SIPA1L3: variants seen among roughly 807,000 people sequenced by gnomAD.
SIPA1L3 encodes signal-induced proliferation-associated 1-like protein 3.
SIPA1L3 carries 59 observed loss-of-function variants against 150.1 expected under a neutral mutation model. That is an observed-to-expected ratio of 0.39 (90% CI 0.32 to 0.49). The LOEUF (loss-of-function observed/expected upper bound fraction) is 0.49, where lower values mean the gene tolerates loss of function less well. Ranked by LOEUF, SIPA1L3 falls within the 20% of genes least tolerant of loss-of-function variation. The pLI, the probability that SIPA1L3 is intolerant of heterozygous loss-of-function variation, is 0.86. For synonymous variants in SIPA1L3, 1,070 were observed against 1,077.6 expected, an observed-to-expected ratio of 0.99 and a Z score of 0.14; for missense variants, 2,211 against 2,489.5, an observed-to-expected ratio of 0.89 and a Z score of 2.38.
chr19:38,119,267 C>A, intron 8 of SIPA1L3, 39 bp from the exon 9 acceptor site: 1 of 1,544,042 alleles, frequency 6.5e-7, no homozygotes, highest in Non-Finnish European at 8.9e-7. Flanking sequence ...TGTCTTAGTG[C>A]CTTTCTTCCC....
intron 1 of SIPA1L3, among the ~76,000 whole-genome samples, chr19:37,925,048 CAAA>C (rs753601542): frequency 8.3e-5 from 7 of 84,212 alleles, no homozygotes; most frequent in Non-Finnish European, 7.6e-5. Flanking sequence ...GACTCTGTCT[CAAA>C]AAAAAAAAAA....
intron 15 of SIPA1L3, among the ~76,000 whole-genome samples, chr19:38,166,464 A>G (rs954029663): frequency 1.3e-5 from 2 of 151,980 alleles, no homozygotes; most frequent in Non-Finnish European, 2.9e-5. Context: ...TCAAAAAAAA[A>G]AAAAAGAAAA....
At chr19:38,159,411 C>G (rs1339017029) in intron 13 of SIPA1L3, among the ~76,000 whole-genome samples, 1 of 152,206 alleles carries the variant, frequency 6.6e-6, no homozygotes, top group Admixed American at 6.5e-5. Flanking sequence ...GCAGTGACCT[C>G]CTCCCCCTCA....
At chr19:37,984,491 T>C (rs1967294622) in intron 1 of SIPA1L3, among the ~76,000 whole-genome samples, 1 of 151,952 alleles carries the variant, frequency 6.6e-6, no homozygotes. Flanking sequence ...CCCAGATAGA[T>C]TATTGTGAGG....
intron 2 of SIPA1L3, among the ~76,000 whole-genome samples, chr19:38,053,738 T>C (rs919440345): frequency 2.6e-5 from 4 of 151,812 alleles, no homozygotes; most frequent in African/African-American, 9.7e-5. Flanking sequence ...TATTATTTTT[T>C]ATTTTTTGGT....
chr19:37,993,603 C>T (rs1419294144), intron 1 of SIPA1L3, among the ~76,000 whole-genome samples: 8 of 152,172 alleles, frequency 5.3e-5, no homozygotes, highest in African/African-American at 1.9e-4. Flanking sequence ...ATCGCAGATA[C>T]GTTCAGGGGA....
At chr19:38,169,249 C>T (rs1264270224) in intron 15 of SIPA1L3, among the ~76,000 whole-genome samples, 1 of 152,026 alleles carries the variant, frequency 6.6e-6, no homozygotes, top group Non-Finnish European at 1.5e-5. Flanking sequence ...ATTAGCCAGG[C>T]GTGGTGGTGC....
In SIPA1L3 at chr19:38,081,577, T is replaced by C. The variant is rs770856787; in HGVS notation, c.12T>C (p.Tyr4=). Residue 4 remains tyrosine (Y), a synonymous_variant, in exon 3 of 22, where the codon TAT becomes TAC. Transcript: ENST00000222345. ...AGTGCCCGTGGACTATGACCACCTA[T>C]CGGGCCATCCCCAGCGATGGTGTGG... MTT[Y]RAIPSDGVDL... The C allele has an allele frequency of 1.9e-6, 3 of 1,586,864 alleles. No homozygotes were observed. Among genetic ancestry groups the C allele is most frequent in the Non-Finnish European group, 2.6e-6 (3 of 1,162,914 alleles).
intron 1 of SIPA1L3, among the ~76,000 whole-genome samples, chr19:38,008,038 G>A (rs1042881511): frequency 6.6e-6 from 1 of 152,084 alleles, no homozygotes; most frequent in Non-Finnish European, 1.5e-5. Context: ...TGCTTCATGA[G>A]TGCATGTTGA....
At chr19:38,056,918 G>C (rs2145771944) in intron 2 of SIPA1L3, among the ~76,000 whole-genome samples, 1 of 152,116 alleles carries the variant, frequency 6.6e-6, no homozygotes, top group Middle Eastern at 3.4e-3. Context: ...AATTAGTCAG[G>C]CATGGTGGTA....
At position 38,130,192 on chromosome 19, in the gene SIPA1L3, TG is replaced by T. The variant is rs201045730; in HGVS notation, c.2869-305del. ...ACCCAACCACAAGGGAGCCAAGAAG[TG>T]CAATCCCACTGACCCCAGGAAGGAG... On this transcript the variant is annotated intron_variant, in intron 9 of 21. Transcript: ENST00000222345. Among the ~76,000 whole-genome samples the T allele has an allele frequency of 0.011, 1,706 of 152,250 alleles. 27 individuals carry two copies. The highest frequency in any genetic ancestry group is 0.023 in the Admixed American group (357 of 15,282).
chr19:38,199,555 G>A (rs1270134525), intron 19 of SIPA1L3, among the ~76,000 whole-genome samples: 1 of 152,134 alleles, frequency 6.6e-6, no homozygotes, highest in Non-Finnish European at 1.5e-5. Flanking sequence ...CAGTCGCCTA[G>A]GGAGCTTTTT....
intron 1 of SIPA1L3, among the ~76,000 whole-genome samples, chr19:37,910,248 TA>T (rs1325869507): frequency 6.6e-6 from 1 of 152,178 alleles, no homozygotes; most frequent in Non-Finnish European, 1.5e-5. Context: ...TCCTTTAAAA[TA>T]AAGTGTTTGT....
In SIPA1L3 at chr19:38,100,005, C is replaced by T; in HGVS notation, c.1709C>T (p.Thr570Ile). The T allele has an allele frequency of 6.2e-7, 1 of 1,610,440 alleles. No individual in the cohort carries two copies. The highest frequency in any genetic ancestry group is 8.5e-7 in the Non-Finnish European group (1 of 1,178,778). Residue 570 changes from threonine (T) to isoleucine (I), a missense_variant, in exon 5 of 22, where the codon ACA becomes ATA. Around this residue, in one of 5 missense-constraint regions of SIPA1L3, gnomAD observed 625 missense variants for 804.2 expected, o/e 0.78. Transcript: ENST00000222345. ...TCCATCCTGGAAGATGCTACGCCCA[C>T]AGCCACCAAGCATGGGACCGGGCGG... is the stretch of plus-strand genomic sequence containing the variant. ...RGSILEDATP[T>I]ATKHGTGRGL...
At chr19:38,032,825 C>G (rs894442016) in intron 2 of SIPA1L3, among the ~76,000 whole-genome samples, 1 of 150,552 alleles carries the variant, frequency 6.6e-6, no homozygotes, top group Non-Finnish European at 1.5e-5. Flanking sequence ...TGCACTCCAG[C>G]CTGGGCAACA....
intron 1 of SIPA1L3, among the ~76,000 whole-genome samples, chr19:37,957,536 T>C (rs868169205): frequency 6.6e-6 from 1 of 151,956 alleles, no homozygotes; most frequent in Admixed American, 6.6e-5. Flanking sequence ...CTATTGTGAA[T>C]GGAATTTTTT....
chr19:38,035,792 T>C (rs1158837939), intron 2 of SIPA1L3, among the ~76,000 whole-genome samples: 1 of 151,836 alleles, frequency 6.6e-6, no homozygotes, highest in East Asian at 1.9e-4. Flanking sequence ...AGGAGGAGGA[T>C]GGTGGCAGCT....
intron 15 of SIPA1L3, among the ~76,000 whole-genome samples, chr19:38,168,166 C>T (rs1475749770): frequency 6.6e-6 from 1 of 152,144 alleles, no homozygotes; most frequent in African/African-American, 2.4e-5. Flanking sequence ...GTGGGCGGAT[C>T]ACCTGAGGTC....
intron 1 of SIPA1L3, among the ~76,000 whole-genome samples, chr19:37,995,026 G>A (rs1489167079): frequency 6.6e-6 from 1 of 152,210 alleles, no homozygotes; most frequent in Non-Finnish European, 1.5e-5. Flanking sequence ...CCCAGCCTGA[G>A]GATCAGATCC....
Sources: gnomAD v4.1 joint callset for allele counts (sites outside exome capture counted in the v4.1 genomes callset) on GRCh38, gnomAD v4.1.1 for gene constraint, gnomAD v4.1.1 regional missense constraint, MANE v1.5 for transcripts, NCBI Gene and HGNC (gene_info 2026-07-23, HGNC 2026-07-21) for gene names.